SPINK5: variants seen among roughly 807,000 people sequenced by gnomAD.
SPINK5 encodes serine protease inhibitor Kazal-type 5.
In SPINK5, 125 loss-of-function variants were observed where a neutral mutation model predicts 151.8. The ratio of observed to expected loss-of-function variants is 0.82; its 90% CI spans 0.71 to 0.96. The LOEUF is 0.96. Ranked by LOEUF, SPINK5 falls within the 40% of genes least tolerant of loss-of-function variation. The pLI, the probability that SPINK5 is intolerant of heterozygous loss-of-function variation, is 0.00. For synonymous variants in SPINK5, 374 were observed against 395.3 expected (o/e 0.95, Z 0.64); for missense variants, 1,194 against 1,291.9 (o/e 0.92, Z 1.16).
intron 4 of SPINK5, among the ~76,000 whole-genome samples, chr5:148,073,522 A>G (rs1486489228): frequency 3.9e-5 from 6 of 152,000 alleles, no homozygotes; most frequent in African/African-American, 1.4e-4. Flanking sequence ...TATTTGTCAC[A>G]TTCAAAGAGT....
chr5:148,112,718 G>T (rs1443324043), intron 19 of SPINK5, 150 bp from the exon 20 acceptor site: 32 of 1,272,290 alleles, frequency 2.5e-5, no homozygotes, highest in Non-Finnish European at 3.3e-5. Context: ...GAACAATGAT[G>T]TAGAGAGATG....
chr5:148,069,115 C>T (rs1270888747), intron 2 of SPINK5, among the ~76,000 whole-genome samples: 1 of 151,772 alleles, frequency 6.6e-6, no homozygotes, highest in East Asian at 1.9e-4. Context: ...TAAATAAATA[C>T]CTAGTGAATT....
chr5:148,076,067 C>A (rs897357869), intron 4 of SPINK5, among the ~76,000 whole-genome samples: 3 of 151,680 alleles, frequency 2.0e-5, no homozygotes, highest in Non-Finnish European at 4.4e-5. Flanking sequence ...TATAAAGCTG[C>A]GCATATCCGC....
intron 16 of SPINK5, 103 bp downstream of exon 16, chr5:148,105,103 G>A: frequency 7.7e-7 from 1 of 1,299,836 alleles, no homozygotes; most frequent in Non-Finnish European, 1.1e-6. Context: ...TAATTTTCAT[G>A]CCTGAAATAA....
At chr5:148,099,383 G>C in intron 12 of SPINK5, 68 bp downstream of exon 12, 3 of 1,429,116 alleles carry the variant, frequency 2.1e-6, no homozygotes, top group Non-Finnish European at 2.9e-6. Flanking sequence ...GAGCCTAAAG[G>C]GTGAGATTTT....
chr5:148,064,146 G>A (rs1752515053), intron 1 of SPINK5, 47 bp downstream of exon 1: 1 of 1,611,226 alleles, frequency 6.2e-7, no homozygotes. Context: ...ACATCTCAAA[G>A]CCCTGGGGAA....
chr5:148,100,660 G>A, intron 13 of SPINK5, 79 bp downstream of exon 13: 2 of 1,496,522 alleles, frequency 1.3e-6, no homozygotes, highest in Non-Finnish European at 1.8e-6. Flanking sequence ...TTATGGGAGG[G>A]CCACTTCAAC....
chr5:148,130,525 A>T (rs545924897), intron 30 of SPINK5, among the ~76,000 whole-genome samples: 2 of 152,186 alleles, frequency 1.3e-5, no homozygotes, highest in East Asian at 3.9e-4. Context: ...TAAAAAACTA[A>T]TCAAGGTCTT....
Position 148,064,088 on chromosome 5 carries a change from G to T in SPINK5, c.44G>T (p.Cys15Phe). 1 of 1,614,070 alleles carries T rather than the reference G, an allele frequency of 6.2e-7. No homozygotes were observed. Residue 15 changes from cysteine to phenylalanine, a missense_variant, in exon 1 of 33, where the codon TGC (cysteine) becomes TTC (phenylalanine). Transcript: ENST00000256084. ...TVSVLLPLAL[C>F]LIQDAASKNE... ...TCAGTGCTTCTGCCCTTGGCTCTTTGCCTCATACAAGGTGAGCAATTTGTG... is the reference window on the plus strand; with the variant it reads ...TCAGTGCTTCTGCCCTTGGCTCTTTTCCTCATACAAGGTGAGCAATTTGTG...
chr5:148,136,523 A>T (rs1419129374), intron 32 of SPINK5, among the ~76,000 whole-genome samples: 2 of 152,180 alleles, frequency 1.3e-5, no homozygotes, highest in Non-Finnish European at 2.9e-5. Flanking sequence ...CTGATTTCAA[A>T]TATATGGATG....
Position 148,109,452 on chromosome 5 carries a change from A to G in SPINK5, c.1692+615A>G, listed in dbSNP as rs1281255207. On this transcript the variant is annotated intron_variant, in intron 18 of 32. Coordinates refer to ENST00000256084, the MANE Select transcript of SPINK5 (RefSeq NM_006846.4). ...AAGCTGACATAAGAAGTTAAGAAAT[A>G]TATTTAATTAGTTACATATAATACA... is the stretch of plus-strand genomic sequence containing the variant. 7.3e-5 allele frequency among the ~76,000 whole-genome samples: 11 copies of G among 151,248 alleles called. No homozygotes were observed. In the East Asian group the frequency reaches 1.6e-3, roughly 21 times the overall value.
At chr5:148,103,573 G>A (rs540365595) in intron 15 of SPINK5, among the ~76,000 whole-genome samples, 14 of 152,174 alleles carry the variant, frequency 9.2e-5, no homozygotes, top group Non-Finnish European at 1.5e-4. Context: ...CGTGATAAAG[G>A]TTAGATCGGT....
rs775451764 is a variant in SPINK5, at chr5:148,125,811, A to G, written c.2828A>G (p.Lys943Arg). ...ENDPVHGADG[K>R]FYTNKCYMCR... ...GACCCAGTGCACGGTGCTGATGGAA[A>G]GTTCTATACAAACAAGTGCTACATG... The change falls in exon 29 of 33, where the codon AAG becomes AGG. Residue 943 changes from lysine to arginine, a missense_variant. By Grantham distance (26) the Lys-to-Arg change is conservative. Transcript: ENST00000256084. The G allele has an allele frequency of 3.7e-6, 6 of 1,614,232 alleles. No homozygotes were observed. The highest frequency in any genetic ancestry group is 4.2e-6 in the Non-Finnish European group (5 of 1,180,030).
At chr5:148,105,783 AT>A (rs5872059) in intron 16 of SPINK5, among the ~76,000 whole-genome samples, 70,491 of 130,558 alleles carry the variant, frequency 0.54, 19,025 homozygotes, top group African/African-American at 0.67. Flanking sequence ...TGCCCAGCTA[AT>A]TTTTTTTTTT....
intron 26 of SPINK5, among the ~76,000 whole-genome samples, chr5:148,122,464 A>G (rs1754295215): frequency 6.6e-6 from 1 of 152,180 alleles, no homozygotes; most frequent in Non-Finnish European, 1.5e-5. Context: ...TTTTTAAGGT[A>G]ATGTTTCCAT....
At chr5:148,095,331 C>A (rs1166730678) in intron 9 of SPINK5, among the ~76,000 whole-genome samples, 1 of 151,784 alleles carries the variant, frequency 6.6e-6, no homozygotes, top group African/African-American at 2.4e-5. Flanking sequence ...CAGGGCCCAG[C>A]CAACACTTGC....
rs760296460 is a variant in SPINK5, at chr5:148,105,044, ATTTC to A, written c.1479+48_1479+51del. On this transcript the variant is annotated intron_variant, in intron 16 of 32. Transcript: ENST00000256084. ...CTGATGCTGTGCCCTGACATTTTTC[ATTTC>A]TTTATAATTCTTTACTTATCCTATT... is the stretch of plus-strand genomic sequence containing the variant. The A allele has an allele frequency of 7.4e-5, 117 of 1,585,298 alleles. 1 individual carries two copies. The highest frequency in any genetic ancestry group is 8.0e-5 in the Non-Finnish European group (93 of 1,155,396).
intron 28 of SPINK5, chr5:148,125,463 A>G: frequency 6.8e-7 from 1 of 1,468,634 alleles, no homozygotes; most frequent in Non-Finnish European, 9.4e-7. Context: ...GGATGGATGA[A>G]CGGGAGAAAA....
chr5:148,097,922 G>A lies in SPINK5; in HGVS notation c.938G>A (p.Arg313Lys). The A allele has an allele frequency of 6.2e-7, 1 of 1,612,394 alleles. No individual in the cohort carries two copies. Among genetic ancestry groups the A allele is most frequent in the East Asian group, 2.2e-5 (1 of 44,796 alleles). Reference protein sequence around the residue: ...QAKNGILFCTRENDPIRGPDG... With the variant: ...QAKNGILFCTKENDPIRGPDG... ...AAGAATGGAATACTTTTCTGTACCA[G>A]AGAAAATGACCCTATTCGTGGTCCA... Residue 313 changes from arginine (R) to lysine (K), a missense_variant, in exon 11 of 33, where the codon AGA becomes AAA. Physicochemically the swap from Arg to Lys is conservative, Grantham distance 26. Transcript: ENST00000256084.
Sources: gnomAD v4.1 joint callset for allele counts (sites outside exome capture counted in the v4.1 genomes callset) on GRCh38, gnomAD v4.1.1 for gene constraint, MANE v1.5 for transcripts, NCBI Gene and HGNC (gene_info 2026-07-23, HGNC 2026-07-21) for gene names.